B3GLCT: variants seen among roughly 807,000 people sequenced by gnomAD.
The protein encoded by B3GLCT is beta-1,3-glucosyltransferase.
B3GLCT carries 65 observed loss-of-function variants against 63.4 expected under a neutral mutation model. The observed-to-expected ratio is 1.03, with a 90% CI of 0.84 to 1.26. The LOEUF is 1.26. Ranked by LOEUF, B3GLCT falls within the 50% of genes most tolerant of loss-of-function variation. B3GLCT has a pLI of 0.00. For synonymous variants in B3GLCT, 233 were observed against 219.2 expected, an observed-to-expected ratio of 1.06 and a Z score of -0.55; for missense variants, 577 against 604.8, an observed-to-expected ratio of 0.95 and a Z score of 0.48.
At chr13:31,200,786 C>A (rs1868618860) in intron 1 of B3GLCT, among the ~76,000 whole-genome samples, 1 of 152,108 alleles carries the variant, frequency 6.6e-6, no homozygotes, top group Non-Finnish European at 1.5e-5. Context: ...TTCCCGGATT[C>A]CGACCCGGAG....
At position 31,291,331 on chromosome 13, in the gene B3GLCT, A is replaced by G. The variant is rs1353155387; in HGVS notation, c.1064+4512A>G. 2.0e-5 allele frequency among the ~76,000 whole-genome samples: 3 copies of G among 152,034 alleles called. No homozygotes were observed. In the East Asian group the frequency reaches 5.8e-4, roughly 29 times the overall value. On this transcript the variant is annotated intron_variant, in intron 12 of 14. Transcript: ENST00000343307. ...GGATTGTCTTTTTTTGTTCCATATG[A>G]AATTTAAAATAGTTTTTTCTAATTC...
chr13:31,319,301 C>T (rs971610825), intron 13 of B3GLCT, among the ~76,000 whole-genome samples: 1 of 152,056 alleles, frequency 6.6e-6, no homozygotes, highest in African/African-American at 2.4e-5. Context: ...TCACCACCAC[C>T]ATGCCTTCTC....
At chr13:31,208,723 C>T (rs1224729326) in intron 1 of B3GLCT, among the ~76,000 whole-genome samples, 1 of 151,718 alleles carries the variant, frequency 6.6e-6, no homozygotes, top group Non-Finnish European at 1.5e-5. Flanking sequence ...CTTGTCCTCC[C>T]ACAGCCGTCC....
intron 12 of B3GLCT, among the ~76,000 whole-genome samples, chr13:31,292,321 T>G (rs147567959): frequency 8.9e-4 from 136 of 152,358 alleles, no homozygotes; most frequent in African/African-American, 3.1e-3. Flanking sequence ...GAGGCTGGCC[T>G]TATAAAATGA....
At chr13:31,245,064 A>G (rs1871135753) in intron 4 of B3GLCT, among the ~76,000 whole-genome samples, 2 of 152,224 alleles carry the variant, frequency 1.3e-5, no homozygotes, top group Admixed American at 1.3e-4. Flanking sequence ...CTAAACAAAT[A>G]TAATGGAGCT....
chr13:31,247,144 G>T, intron 5 of B3GLCT, 45 bp downstream of exon 5: 1 of 1,448,508 alleles, frequency 6.9e-7, no homozygotes. Context: ...ATTCCTACCT[G>T]AACACTTTTA....
intron 8 of B3GLCT, among the ~76,000 whole-genome samples, chr13:31,271,759 C>T (rs1005803669): frequency 1.3e-5 from 2 of 152,054 alleles, no homozygotes; most frequent in East Asian, 3.9e-4. Context: ...TTTGTTTTGT[C>T]TGCTTATCAT....
intron 4 of B3GLCT, among the ~76,000 whole-genome samples, chr13:31,241,158 C>A (rs968665434): frequency 6.6e-6 from 1 of 152,212 alleles, no homozygotes; most frequent in East Asian, 1.9e-4. Flanking sequence ...GGTTGCCCAG[C>A]ATTTGAACCC....
At chr13:31,315,213 A>G (rs2137930497) in intron 12 of B3GLCT, among the ~76,000 whole-genome samples, 1 of 152,350 alleles carries the variant, frequency 6.6e-6, no homozygotes, top group African/African-American at 2.4e-5. Flanking sequence ...GAACTGGGTA[A>G]CAGGCAGAGG....
At chr13:31,294,058 G>A (rs780197561) in intron 12 of B3GLCT, among the ~76,000 whole-genome samples, 37 of 151,994 alleles carry the variant, frequency 2.4e-4, no homozygotes, top group Admixed American at 2.6e-4. Flanking sequence ...TTTCTCTTTC[G>A]CTTATGAAGT....
intron 6 of B3GLCT, among the ~76,000 whole-genome samples, chr13:31,250,756 C>T (rs985464058): frequency 3.3e-5 from 5 of 152,230 alleles, no homozygotes; most frequent in Non-Finnish European, 5.9e-5. Flanking sequence ...GGACAGAGAA[C>T]CTGGGGGAAG....
chr13:31,221,032 A>G (rs746035744), intron 2 of B3GLCT, among the ~76,000 whole-genome samples: 10 of 152,206 alleles, frequency 6.6e-5, no homozygotes, highest in Non-Finnish European at 1.5e-4. Context: ...AGGCGTTATC[A>G]TGGCGGTGTG....
intron 6 of B3GLCT, among the ~76,000 whole-genome samples, chr13:31,253,407 T>G (rs1871537394): frequency 6.6e-6 from 1 of 151,738 alleles, no homozygotes; most frequent in Non-Finnish European, 1.5e-5. Flanking sequence ...CTGGCTAGCA[T>G]GATGAAACCC....
At chr13:31,200,543 T>TGGC (rs890866549) in intron 1 of B3GLCT, among the ~76,000 whole-genome samples, 17 of 149,628 alleles carry the variant, frequency 1.1e-4, no homozygotes, top group African/African-American at 3.9e-4. Flanking sequence ...ACAGCGCGAG[T>TGGC]GGCGGCGGCG....
At chr13:31,290,589 T>C (rs9530379) in intron 12 of B3GLCT, among the ~76,000 whole-genome samples, 141,531 of 152,216 alleles carry the variant, frequency 0.93, 66,475 homozygotes, top group East Asian at 1. Context: ...ATTGTGGTTT[T>C]GATTTGCATT....
At chr13:31,230,855 A>G (rs4245373) in intron 4 of B3GLCT, among the ~76,000 whole-genome samples, 35,002 of 151,752 alleles carry the variant, frequency 0.23, 4,183 homozygotes, top group Non-Finnish European at 0.25. Context: ...TAAAAATATA[A>G]AAATTAGCTG....
intron 6 of B3GLCT, among the ~76,000 whole-genome samples, chr13:31,251,810 G>A (rs1489906816): frequency 6.6e-6 from 1 of 152,180 alleles, no homozygotes; most frequent in Non-Finnish European, 1.5e-5. Flanking sequence ...TATTATCCGG[G>A]AGAACTTCCC....
chr13:31,228,556 G>A (rs973604302), intron 3 of B3GLCT, among the ~76,000 whole-genome samples: 3 of 152,200 alleles, frequency 2.0e-5, no homozygotes, highest in African/African-American at 7.2e-5. Flanking sequence ...TCTTTGGCTT[G>A]TAGATGGCTA....
At chr13:31,256,269 A>G (rs568455678) in intron 6 of B3GLCT, among the ~76,000 whole-genome samples, 2 of 152,298 alleles carry the variant, frequency 1.3e-5, no homozygotes, top group East Asian at 3.9e-4. Flanking sequence ...GATCATTAAA[A>G]AGGAAACAAC....
Sources: gnomAD v4.1 joint callset for allele counts (sites outside exome capture counted in the v4.1 genomes callset) on GRCh38, gnomAD v4.1.1 for gene constraint, MANE v1.5 for transcripts, NCBI Gene and HGNC (gene_info 2026-07-23, HGNC 2026-07-21) for gene names.